The following CTNNA3 variants were observed in gnomAD, a reference collection of about 807,000 sequenced individuals.
The protein encoded by CTNNA3 is catenin alpha 3.
In CTNNA3, 76 loss-of-function variants were observed where a neutral mutation model predicts 95.7. That is an observed-to-expected ratio of 0.79 (90% confidence interval 0.66 to 0.96). CTNNA3 has a LOEUF of 0.96. Ranked by LOEUF, CTNNA3 falls within the 40% of genes least tolerant of loss-of-function variation. The pLI, the probability that CTNNA3 is intolerant of heterozygous loss-of-function variation, is 0.00. For synonymous variants in CTNNA3, 431 were observed against 374.4 expected, an observed-to-expected ratio of 1.15 and a Z score of -1.74; for missense variants, 1,191 against 1,089.8, an observed-to-expected ratio of 1.09 and a Z score of -1.31.
intron 7 of CTNNA3, among the ~76,000 whole-genome samples, chr10:67,049,773 A>G (rs1283947935): frequency 6.6e-6 from 1 of 152,228 alleles, no homozygotes; most frequent in Non-Finnish European, 1.5e-5. Flanking sequence ...GATTCTGTGT[A>G]GTAGCACAAA....
rs537065843 is a variant in CTNNA3 at position 66,954,677 on chromosome 10, A to G, written c.1048-179153T>C. On this transcript the variant is annotated intron_variant, in intron 7 of 17. Coordinates refer to ENST00000433211, the MANE Select transcript of CTNNA3 (RefSeq NM_013266.4). ...TTAGATAAATTTGGATTAAAATCCA[A>G]TGTGCTAGCAGGCCTCAAAATGTTA... Among the ~76,000 whole-genome samples the G allele has an allele frequency of 8.5e-5, 13 of 152,344 alleles. No homozygotes were observed. The East Asian group carries it at 2.3e-3, about 27-fold the overall frequency.
intron 7 of CTNNA3, among the ~76,000 whole-genome samples, chr10:66,777,795 A>ACG (rs1564676571): frequency 1.4e-5 from 1 of 71,060 alleles, no homozygotes; most frequent in African/African-American, 3.7e-5. Context: ...ACACACACAC[A>ACG]CATGCACACA....
At chr10:67,268,801 G>A (rs1412483897) in intron 5 of CTNNA3, among the ~76,000 whole-genome samples, 2 of 152,156 alleles carry the variant, frequency 1.3e-5, no homozygotes, top group African/African-American at 4.8e-5. Context: ...ATATGCAAAT[G>A]ACATTGCCCT....
intron 7 of CTNNA3, among the ~76,000 whole-genome samples, chr10:66,897,743 T>C (rs1845559334): frequency 6.6e-6 from 1 of 152,150 alleles, no homozygotes; most frequent in African/African-American, 2.4e-5. Flanking sequence ...GATAAACATA[T>C]GAATTAAAAT....
intron 7 of CTNNA3, among the ~76,000 whole-genome samples, chr10:66,797,522 T>G (rs186682395): frequency 6.6e-6 from 1 of 152,140 alleles, no homozygotes; most frequent in African/African-American, 2.4e-5. Context: ...TCAATGTCCC[T>G]TTTTCTGTTC....
At chr10:66,321,958 G>A (rs1037368007) in intron 12 of CTNNA3, among the ~76,000 whole-genome samples, 1 of 152,086 alleles carries the variant, frequency 6.6e-6, no homozygotes, top group African/African-American at 2.4e-5. Context: ...GGCATTTAAA[G>A]GTCTTCATTT....
chr10:66,002,767 C>A (rs2078795539), intron 15 of CTNNA3, among the ~76,000 whole-genome samples: 1 of 152,066 alleles, frequency 6.6e-6, no homozygotes, highest in African/African-American at 2.4e-5. Flanking sequence ...GGGGTCAGGA[C>A]AGAAATTGAC....
chr10:67,015,903 T>G (rs777432511), intron 7 of CTNNA3, among the ~76,000 whole-genome samples: 1 of 152,100 alleles, frequency 6.6e-6, no homozygotes, highest in South Asian at 2.1e-4. Flanking sequence ...GTGACTTTGT[T>G]TTCAATCAAG....
intron 5 of CTNNA3, among the ~76,000 whole-genome samples, chr10:67,340,136 T>C (rs1361826647): frequency 6.6e-6 from 1 of 152,178 alleles, no homozygotes; most frequent in African/African-American, 2.4e-5. Context: ...CTTGGAATGT[T>C]TGCTATGGCT....
At chr10:67,048,071 T>C (rs952114677) in intron 7 of CTNNA3, among the ~76,000 whole-genome samples, 1 of 152,086 alleles carries the variant, frequency 6.6e-6, no homozygotes. Context: ...CCTCTCTAAA[T>C]AGTCTAGAAC....
Position 67,057,948 on chromosome 10 carries a change from T to C in CTNNA3, c.1047+122369A>G, listed in dbSNP as rs1855537898. Among the ~76,000 whole-genome samples the C allele has an allele frequency of 2.6e-5, 4 of 152,166 alleles. No individual in the cohort carries two copies. In the South Asian group the frequency reaches 8.3e-4, roughly 31 times the overall value. On this transcript the variant is annotated intron_variant, in intron 7 of 17. Coordinates refer to ENST00000433211, the MANE Select transcript of CTNNA3 (RefSeq NM_013266.4). ...TCTCAAGGATATCACTTTGCAGAAGTGATTTCCTATAATTCCAGAATGATA... is the reference window on the plus strand; with the variant it reads ...TCTCAAGGATATCACTTTGCAGAAGCGATTTCCTATAATTCCAGAATGATA...
At chr10:67,697,986 G>A (rs1840999843), upstream of CTNNA3, among the ~76,000 whole-genome samples, 2 of 152,160 alleles carry the variant, frequency 1.3e-5, no homozygotes, top group Admixed American at 1.3e-4. Context: ...AGAGAAATCT[G>A]CCTTTCTCTG....
At chr10:67,726,407 T>TTATATATATA (rs1841219063) in intron 1 of CTNNA3, among the ~76,000 whole-genome samples, 1 of 71,480 alleles carries the variant, frequency 1.4e-5, no homozygotes, top group Non-Finnish European at 2.2e-5. Context: ...ATATATTATA[T>TTATATATATA]CATATATAAT....
At chr10:67,738,820 T>A (rs1841317904) in intron 1 of CTNNA3, among the ~76,000 whole-genome samples, 1 of 152,008 alleles carries the variant, frequency 6.6e-6, no homozygotes, top group Admixed American at 6.6e-5. Flanking sequence ...GCCAATTCAA[T>A]GAACTGGAAG....
At chr10:66,665,506 T>C (rs1846420483) in intron 9 of CTNNA3, among the ~76,000 whole-genome samples, 1 of 152,194 alleles carries the variant, frequency 6.6e-6, no homozygotes, top group South Asian at 2.1e-4. Context: ...ATTTCAGACA[T>C]TCTTTGTATA....
intron 12 of CTNNA3, among the ~76,000 whole-genome samples, chr10:66,302,279 C>A (rs1243711075): frequency 6.6e-6 from 1 of 151,964 alleles, no homozygotes; most frequent in African/African-American, 2.4e-5. Context: ...TTAATACAAT[C>A]CCTATCAAAA....
At chr10:67,279,500 GA>G (rs60650545) in intron 5 of CTNNA3, among the ~76,000 whole-genome samples, 13,600 of 151,740 alleles carry the variant, frequency 0.09, 1,026 homozygotes, top group African/African-American at 0.2. Flanking sequence ...GGAGAGTATG[GA>G]AATACACACA....
At chr10:67,250,504 C>G (rs529210528) in intron 5 of CTNNA3, among the ~76,000 whole-genome samples, 1 of 151,448 alleles carries the variant, frequency 6.6e-6, no homozygotes. Context: ...CATGAGCCAC[C>G]GCGCCCGGCC....
At chr10:66,764,744 T>C (rs1343616177) in intron 9 of CTNNA3, among the ~76,000 whole-genome samples, 1 of 152,222 alleles carries the variant, frequency 6.6e-6, no homozygotes, top group Non-Finnish European at 1.5e-5. Context: ...CTTCCCGCCT[T>C]ACTTTTAACA....
Sources: allele counts gnomAD v4.1 joint callset (sites outside exome capture counted in the v4.1 genomes callset), GRCh38; gene constraint gnomAD v4.1.1; transcripts MANE v1.5; gene names NCBI Gene and HGNC (gene_info 2026-07-23, HGNC 2026-07-21).